Variants in SCAMP4 observed in about 807,000 individuals in gnomAD.
SCAMP4 encodes secretory carrier-associated membrane protein 4.
A neutral mutation model predicts 32.1 loss-of-function variants in SCAMP4; 19 were observed. The ratio of observed to expected loss-of-function variants is 0.59; its 90% CI spans 0.41 to 0.87. SCAMP4 has a LOEUF of 0.87. SCAMP4 is among the 40% of genes least tolerant of loss of function. The probability of loss-of-function intolerance (pLI) is 0.00; values close to 1 mark genes in which losing one functional copy is unlikely to be tolerated. For missense variants in SCAMP4, 302 were observed against 309.0 expected, an observed-to-expected ratio of 0.98 and a Z score of 0.17; for synonymous variants, 152 against 132.7, an observed-to-expected ratio of 1.15 and a Z score of -1.00.
At chr19:1,910,972 C>T (rs1053325984) in intron 1 of SCAMP4, among the ~76,000 whole-genome samples, 7 of 151,602 alleles carry the variant, frequency 4.6e-5, no homozygotes, top group African/African-American at 1.7e-4. Flanking sequence ...GTTCAACCTT[C>T]TGGGTTCTCC....
At chr19:1,915,477 C>T (rs2013701863) in intron 2 of SCAMP4, 1 of 211,166 alleles carries the variant, frequency 4.7e-6, no homozygotes, top group Non-Finnish European at 9.7e-6. Flanking sequence ...AGCAGAAGCT[C>T]CTGGGGGGCT....
Position 1,908,446 on chromosome 19 carries a change from C to G in SCAMP4, c.-42+3007C>G. 1 of 469,500 alleles carries G rather than the reference C, an allele frequency of 2.1e-6. No individual in the cohort carries two copies. The highest frequency in any genetic ancestry group is 4.4e-6 in the Non-Finnish European group (1 of 226,330). The allele number at this position is 469,500 out of a possible 1,614,324, so 29.1% of individuals were successfully genotyped here. ...GCATGTCGAGGAGTAGCACCCACAG[C>G]TGCGCGGCTGCGAAATGATCCAGAG... On this transcript the variant is annotated intron_variant, in intron 1 of 6. Transcript: ENST00000316097. The surrounding 1 kb of genome is among the most constrained non-coding windows in gnomAD (Gnocchi z 4.2).
chr19:1,919,723 T>C (rs1426546286), intron 5 of SCAMP4, among the ~76,000 whole-genome samples: 3 of 151,776 alleles, frequency 2.0e-5, no homozygotes, highest in South Asian at 4.2e-4. Flanking sequence ...GGTATCGAAC[T>C]CCCGAGCTCA....
At chr19:1,923,046 C>T in intron 5 of SCAMP4, 24 bp from the exon 6 acceptor site, 3 of 1,526,650 alleles carry the variant, frequency 2.0e-6, no homozygotes, top group Non-Finnish European at 2.7e-6. Context: ...TGCAGGCACC[C>T]ACGCACTCTC....
chr19:1,912,662 G>A (rs1327607539), intron 1 of SCAMP4: 3 of 1,433,668 alleles, frequency 2.1e-6, no homozygotes, highest in Admixed American at 6.1e-5. Flanking sequence ...GGGCAGCAGC[G>A]CGGGGCTTGC....
rs71174396 is a variant in SCAMP4, at chr19:1,925,910, A to ACCCCCCCCCCCCCCC, written c.*1635_*1636insCCCCCCCCCCCCCCC. 1.8e-5 allele frequency: 2 copies of ACCCCCCCCCCCCCCC among 112,704 alleles called. No homozygotes were observed. Among genetic ancestry groups the ACCCCCCCCCCCCCCC allele is most frequent in the South Asian group, 2.9e-4 (1 of 3,472 alleles). 7.0% of individuals were successfully genotyped at this position (112,704 alleles called of 1,614,324 possible). ...GACAAAATCTCACCTGGCAGGCCCA[A>ACCCCCCCCCCCCCCC]CCCCCCCCCACCCCTCCCCCGCCGT... On this transcript the variant is annotated 3_prime_UTR_variant, in exon 7 of 7. Transcript: ENST00000316097.
intron 5 of SCAMP4, 77 bp from the exon 6 acceptor site, chr19:1,922,993 G>A (rs1327637994): frequency 7.0e-6 from 10 of 1,435,796 alleles, no homozygotes; most frequent in Middle Eastern, 2.2e-4. Context: ...TCTTTACATG[G>A]GGAGGACCAT....
At chr19:1,916,133 G>A (rs1423032576) in intron 2 of SCAMP4, among the ~76,000 whole-genome samples, 1 of 149,938 alleles carries the variant, frequency 6.7e-6, no homozygotes, top group Non-Finnish European at 1.5e-5. Flanking sequence ...CAGCTACTTG[G>A]GAGGCTGAGG....
chr19:1,912,872 C>T (rs761557355), intron 1 of SCAMP4: 5 of 1,601,714 alleles, frequency 3.1e-6, no homozygotes, highest in Middle Eastern at 3.3e-4. Context: ...CCCCCCAGGC[C>T]GTCCGCGCAG....
intron 1 of SCAMP4, chr19:1,912,879 G>T (rs2013556595): frequency 6.2e-7 from 1 of 1,604,376 alleles, no homozygotes. Flanking sequence ...GGCCGTCCGC[G>T]CAGGCGCCGT....
rs2014060378 is a variant in SCAMP4, at chr19:1,925,204, TCTC to T, written c.*923_*925del. On this transcript the variant is annotated 3_prime_UTR_variant, in exon 7 of 7. Coordinates refer to ENST00000316097, the MANE Select transcript of SCAMP4 (RefSeq NM_079834.4). Reference sequence around the variant, plus strand: ...CCTCTGCCTCCCGTGTTCAAGCAGTTCTCCTGCCTCAGCCTCCCAAATAGCTGG... The same window carrying T: ...CCTCTGCCTCCCGTGTTCAAGCAGTTCTGCCTCAGCCTCCCAAATAGCTGG... 1 of 152,174 alleles carries T rather than the reference TCTC, an allele frequency of 6.6e-6. No homozygotes were observed. The highest frequency in any genetic ancestry group is 6.6e-5 in the Admixed American group (1 of 15,264). The allele number at this position is 152,174 out of a possible 1,614,324, so 9.4% of individuals were successfully genotyped here.
intron 1 of SCAMP4, among the ~76,000 whole-genome samples, chr19:1,911,094 C>T (rs1408499908): frequency 1.3e-5 from 2 of 152,100 alleles, no homozygotes; most frequent in East Asian, 3.8e-4. Flanking sequence ...CCAGGATGGT[C>T]TTGATCTCCT....
At chr19:1,919,090 G>A (rs1043847002) in intron 5 of SCAMP4, 100 bp downstream of exon 5, 42 of 1,542,274 alleles carry the variant, frequency 2.7e-5, no homozygotes, top group Middle Eastern at 1.9e-4. Context: ...GTGCTGGTCC[G>A]GGATTGTACG....
intron 1 of SCAMP4, chr19:1,906,081 C>G (rs2013098353): frequency 6.6e-6 from 1 of 152,278 alleles, no homozygotes; most frequent in Non-Finnish European, 1.5e-5. Flanking sequence ...ACAAGGACGG[C>G]TGGGTGCAGT....
Position 1,922,517 on chromosome 19 carries a change from A to G in SCAMP4, c.396-553A>G, listed in dbSNP as rs139295803. The G allele has an allele frequency of 6.1e-3, 6,041 of 984,556 alleles. 27 individuals carry two copies. The highest frequency in any genetic ancestry group is 0.01 in the Middle Eastern group (20 of 1,914). The allele number at this position is 984,556 out of a possible 1,614,324, so 61.0% of individuals were successfully genotyped here. A position where few individuals can be genotyped will look rare whatever the true frequency, so the allele number is the denominator to read the frequency against. ...CCCAAAGTGCTGGGACGACAGGCGTAAGCCTCTGCGCCCGGCCTCCTCATT... is the reference window on the plus strand; with the variant it reads ...CCCAAAGTGCTGGGACGACAGGCGTGAGCCTCTGCGCCCGGCCTCCTCATT... On this transcript the variant is annotated intron_variant, in intron 5 of 6. Coordinates refer to ENST00000316097, the MANE Select transcript of SCAMP4 (RefSeq NM_079834.4).
chr19:1,911,504 G>C (rs1360231640), intron 1 of SCAMP4, among the ~76,000 whole-genome samples: 1 of 152,312 alleles, frequency 6.6e-6, no homozygotes, highest in East Asian at 1.9e-4. Context: ...GACCTGTCTT[G>C]GCTGGGCGCA....
In SCAMP4 at chr19:1,924,560, C is replaced by T. The variant is rs759505369; in HGVS notation, c.*276C>T. 1.9e-4 allele frequency: 95 copies of T among 488,216 alleles called. No homozygotes were observed. The highest frequency in any genetic ancestry group is 3.1e-4 in the Non-Finnish European group (81 of 263,650). 30.2% of individuals were successfully genotyped at this position (488,216 alleles called of 1,614,324 possible). On this transcript the variant is annotated 3_prime_UTR_variant, in exon 7 of 7. Transcript: ENST00000316097. ...CTCCCGGAAACGTGTGGTCACCCGC[C>T]GTCCACTGCACGGCTGGTACGGCCT... is the stretch of plus-strand genomic sequence containing the variant.
intron 5 of SCAMP4, chr19:1,922,559 C>T (rs2013953305): frequency 1.0e-6 from 1 of 985,492 alleles, no homozygotes; most frequent in Non-Finnish European, 1.2e-6. Flanking sequence ...AATGGTCCCT[C>T]AGTGCCCACC....
At chr19:1,922,790 G>A (rs185054933) in intron 5 of SCAMP4, 60 of 1,100,116 alleles carry the variant, frequency 5.5e-5, no homozygotes, top group African/African-American at 8.2e-5. Context: ...CCACTGCTGC[G>A]ATGGTGAAGG....
Sources: gnomAD v4.1 joint callset for allele counts (sites outside exome capture counted in the v4.1 genomes callset) on GRCh38, gnomAD v4.1.1 for gene constraint, Gnocchi (gnomAD v3.1) non-coding constraint, MANE v1.5 for transcripts, NCBI Gene and HGNC (gene_info 2026-07-23, HGNC 2026-07-21) for gene names.